GPC6: variants seen among roughly 807,000 people sequenced by gnomAD.
GPC6 encodes glypican 6.
A neutral mutation model predicts 55.2 loss-of-function variants in GPC6; 14 were observed. The ratio of observed to expected loss-of-function variants is 0.25; its 90% CI spans 0.17 to 0.40. The LOEUF is 0.40. Among genes scored for constraint, GPC6 ranks in the 10% least tolerant of loss-of-function variants. The pLI, the probability that GPC6 is intolerant of heterozygous loss-of-function variation, is 1.00. For missense variants in GPC6, 641 were observed against 708.5 expected (o/e 0.90, Z 1.08); for synonymous variants, 278 against 259.6 (o/e 1.07, Z -0.68).
intron 6 of GPC6, among the ~76,000 whole-genome samples, chr13:94,359,124 A>G (rs1370327906): frequency 6.6e-6 from 1 of 152,208 alleles, no homozygotes; most frequent in African/African-American, 2.4e-5. Flanking sequence ...CTTTGGAAAA[A>G]ACATTGAGAA....
At chr13:94,188,765 TCCC>T (rs1889288127) in intron 4 of GPC6, among the ~76,000 whole-genome samples, 3 of 151,950 alleles carry the variant, frequency 2.0e-5, no homozygotes, top group Admixed American at 6.6e-5. Context: ...CCACACCCCA[TCCC>T]ATAGCTGGTG....
chr13:93,439,549 T>C (rs58385514), intron 1 of GPC6, among the ~76,000 whole-genome samples: 1,806 of 151,972 alleles, frequency 0.012, 37 homozygotes, highest in African/African-American at 0.042. Context: ...CCTCTTTCTT[T>C]TATAAATTAC....
At chr13:93,763,614 T>C (rs1421934554) in intron 2 of GPC6, among the ~76,000 whole-genome samples, 1 of 152,220 alleles carries the variant, frequency 6.6e-6, no homozygotes, top group African/African-American at 2.4e-5. Context: ...CCTGGACAAC[T>C]GTTCTTTCCA....
In GPC6 at chr13:93,796,026, G is replaced by GA. The variant is rs774532431; in HGVS notation, c.320-34115dup. 1.0e-2 allele frequency among the ~76,000 whole-genome samples: 1,329 copies of GA among 133,242 alleles called. 52 individuals carry two copies. Among genetic ancestry groups the GA allele is most frequent in the Admixed American group, 0.076 (1,022 of 13,420 alleles). The allele number at this position is 133,242 out of a possible 152,430, so 87.4% of individuals were successfully genotyped here. On this transcript the variant is annotated intron_variant, in intron 2 of 8. Transcript: ENST00000377047. Reference sequence around the variant, plus strand: ...TAGGGAGACCCCGTCTCCGAGAAAAGAAAAAAAAAAAAAGCCAAAAGCAGC... The same window carrying GA: ...TAGGGAGACCCCGTCTCCGAGAAAAGAAAAAAAAAAAAAAGCCAAAAGCAGC...
chr13:94,021,310 T>C (rs2138712371), intron 3 of GPC6, among the ~76,000 whole-genome samples: 1 of 152,062 alleles, frequency 6.6e-6, no homozygotes, highest in East Asian at 1.9e-4. Flanking sequence ...TTCTTGCTTA[T>C]TTAATATTTT....
At chr13:93,321,123 A>ACT (rs1265436579) in intron 1 of GPC6, among the ~76,000 whole-genome samples, 3 of 152,076 alleles carry the variant, frequency 2.0e-5, no homozygotes, top group Non-Finnish European at 4.4e-5. Flanking sequence ...TGATGAGGTC[A>ACT]CTCTGTCTTA....
intron 5 of GPC6, among the ~76,000 whole-genome samples, chr13:94,296,181 C>T (rs868016904): frequency 2.0e-5 from 3 of 152,264 alleles, no homozygotes; most frequent in Middle Eastern, 3.4e-3. Flanking sequence ...CCATCCAGCG[C>T]GAACTAGTTT....
intron 4 of GPC6, among the ~76,000 whole-genome samples, chr13:94,088,521 T>C (rs890791266): frequency 3.0e-4 from 38 of 127,452 alleles, no homozygotes; most frequent in African/African-American, 1.1e-3. Flanking sequence ...AGACCCTGTC[T>C]CTATATTAAA....
At chr13:93,687,149 T>C (rs929873910) in intron 2 of GPC6, among the ~76,000 whole-genome samples, 7 of 152,144 alleles carry the variant, frequency 4.6e-5, no homozygotes, top group African/African-American at 1.7e-4. Context: ...AAAATCAGTT[T>C]AATTTAATAA....
intron 3 of GPC6, among the ~76,000 whole-genome samples, chr13:93,946,526 A>G (rs1454512648): frequency 2.6e-5 from 4 of 152,220 alleles, no homozygotes. Context: ...ATTCATGAAA[A>G]TTTAACAATT....
intron 3 of GPC6, among the ~76,000 whole-genome samples, chr13:93,949,555 C>T (rs1879161188): frequency 6.6e-6 from 1 of 152,134 alleles, no homozygotes; most frequent in South Asian, 2.1e-4. Context: ...TGGACATGTT[C>T]ACCTTTAACC....
chr13:93,648,995 A>G (rs928533191), intron 2 of GPC6, among the ~76,000 whole-genome samples: 2 of 152,192 alleles, frequency 1.3e-5, no homozygotes, highest in Non-Finnish European at 2.9e-5. Flanking sequence ...TCATTTAAAA[A>G]TTTTTGAGAT....
At chr13:93,375,799 G>T (rs1874869190) in intron 1 of GPC6, among the ~76,000 whole-genome samples, 1 of 152,176 alleles carries the variant, frequency 6.6e-6, no homozygotes, top group Admixed American at 6.5e-5. Context: ...CCCTGCAATG[G>T]ATTGCAGAAG....
chr13:93,783,699 A>G (rs563246174), intron 2 of GPC6, among the ~76,000 whole-genome samples: 19 of 152,216 alleles, frequency 1.2e-4, no homozygotes, highest in African/African-American at 4.3e-4. Context: ...AAATATTCCA[A>G]CCTATACTGG....
chr13:94,044,800 TTTTAGA>T (rs1883667969), intron 4 of GPC6, among the ~76,000 whole-genome samples: 1 of 151,892 alleles, frequency 6.6e-6, no homozygotes. Context: ...GATGTCAGAT[TTTTAGA>T]TTTTTTCAGA....
At chr13:93,428,036 G>A (rs1489061633) in intron 1 of GPC6, among the ~76,000 whole-genome samples, 2 of 152,060 alleles carry the variant, frequency 1.3e-5, no homozygotes, top group Non-Finnish European at 2.9e-5. Flanking sequence ...TGATGAATTT[G>A]AGTACAGCAA....
chr13:93,264,139 A>T (rs1877245398), intron 1 of GPC6, among the ~76,000 whole-genome samples: 1 of 152,136 alleles, frequency 6.6e-6, no homozygotes, highest in South Asian at 2.1e-4. Context: ...AGATGGATGA[A>T]TGAAATTCTC....
intron 2 of GPC6, among the ~76,000 whole-genome samples, chr13:93,698,516 CAGGTT>C (rs1882549776): frequency 2.3e-5 from 1 of 44,308 alleles, no homozygotes; most frequent in East Asian, 9.7e-4. Context: ...TTTTTACTGT[CAGGTT>C]AGGGCGTTTG....
chr13:94,341,968 T>C (rs1275983038), intron 6 of GPC6, among the ~76,000 whole-genome samples: 1 of 152,176 alleles, frequency 6.6e-6, no homozygotes, highest in Non-Finnish European at 1.5e-5. Context: ...CGGGGAGAGT[T>C]AAAGGTGTAC....
Sources: gnomAD v4.1 joint callset for allele counts (sites outside exome capture counted in the v4.1 genomes callset) on GRCh38, gnomAD v4.1.1 for gene constraint, MANE v1.5 for transcripts, NCBI Gene and HGNC (gene_info 2026-07-23, HGNC 2026-07-21) for gene names.